SHTN1: variants seen among roughly 807,000 people sequenced by gnomAD.
SHTN1 encodes shootin 1.
SHTN1 carries 42 observed loss-of-function variants against 83.1 expected under a neutral mutation model. The ratio of observed to expected loss-of-function variants is 0.51; its 90% CI spans 0.39 to 0.65. SHTN1 has a LOEUF of 0.65. SHTN1 is among the 30% of genes least tolerant of loss of function. The pLI, the probability that SHTN1 is intolerant of heterozygous loss-of-function variation, is 0.00. For missense variants in SHTN1, 622 were observed against 737.8 expected (o/e 0.84, Z 1.82); for synonymous variants, 224 against 247.7 (o/e 0.90, Z 0.90).
chr10:117,043,784 G>A (rs1420184320), intron 2 of SHTN1, among the ~76,000 whole-genome samples: 4 of 152,168 alleles, frequency 2.6e-5, no homozygotes, highest in Non-Finnish European at 4.4e-5. Flanking sequence ...GGAGGCTGCA[G>A]TAAGCTGTGA....
intron 1 of SHTN1, among the ~76,000 whole-genome samples, chr10:117,063,224 G>A (rs1256798650): frequency 6.6e-6 from 1 of 152,038 alleles, no homozygotes; most frequent in African/African-American, 2.4e-5. Context: ...TTTCCTGTTA[G>A]CCTTTACTAA....
At chr10:117,061,495 G>A (rs1852903204) in intron 1 of SHTN1, among the ~76,000 whole-genome samples, 1 of 148,678 alleles carries the variant, frequency 6.7e-6, no homozygotes, top group Non-Finnish European at 1.5e-5. Context: ...TTGAAATGGA[G>A]TTTTGCTCTT....
intron 1 of SHTN1, among the ~76,000 whole-genome samples, chr10:117,075,373 C>G (rs2133606272): frequency 6.6e-6 from 1 of 152,268 alleles, no homozygotes; most frequent in Non-Finnish European, 1.5e-5. Context: ...AGCCTTGGGT[C>G]AGCCTGTCAT....
intron 9 of SHTN1, among the ~76,000 whole-genome samples, chr10:116,931,374 G>A (rs1210255201): frequency 1.3e-5 from 2 of 151,962 alleles, no homozygotes; most frequent in African/African-American, 4.8e-5. Context: ...TCAGCCTCCT[G>A]AGTAGCTGGG....
intron 2 of SHTN1, among the ~76,000 whole-genome samples, chr10:117,029,894 C>CTTTTT (rs34426369): frequency 3.5e-5 from 4 of 113,402 alleles, no homozygotes; most frequent in Non-Finnish European, 3.7e-5. Flanking sequence ...CTCTCTCTTT[C>CTTTTT]TTTTTTTTTT....
chr10:117,110,987 A>G (rs1164342890), intron 1 of SHTN1, among the ~76,000 whole-genome samples: 1 of 152,112 alleles, frequency 6.6e-6, no homozygotes, highest in Non-Finnish European at 1.5e-5. Flanking sequence ...ACCTGAGGTC[A>G]GAAGTTCAAG....
chr10:117,076,667 G>C (rs942411138), intron 1 of SHTN1, among the ~76,000 whole-genome samples: 1 of 152,208 alleles, frequency 6.6e-6, no homozygotes, highest in Non-Finnish European at 1.5e-5. Flanking sequence ...AATATCGAAA[G>C]TTATTTTGAA....
At chr10:116,911,582 T>A (rs1488991153) in intron 14 of SHTN1, 5 of 1,550,820 alleles carry the variant, frequency 3.2e-6, no homozygotes, top group African/African-American at 1.4e-5. Context: ...ACCACTCTTT[T>A]AGAACAAAAA....
chr10:117,057,576 C>T lies in SHTN1; in HGVS notation c.-188-9066G>A, dbSNP rs373076780. On this transcript the variant is annotated intron_variant, in intron 1 of 17. Transcript: ENST00000392901. Reference sequence around the variant, plus strand: ...TTTCCCTTCATTTTTCTCTTTTTCCCCTTTGGGAGCCAGGCATTTAGGGGC... The same window carrying T: ...TTTCCCTTCATTTTTCTCTTTTTCCTCTTTGGGAGCCAGGCATTTAGGGGC... 6.6e-5 allele frequency among the ~76,000 whole-genome samples: 10 copies of T among 152,218 alleles called. No individual in the cohort carries two copies. The East Asian group carries it at 1.2e-3, about 18-fold the overall frequency.
intron 1 of SHTN1, among the ~76,000 whole-genome samples, chr10:116,999,269 A>G (rs1851740703): frequency 6.6e-6 from 1 of 152,254 alleles, no homozygotes; most frequent in South Asian, 2.1e-4. Flanking sequence ...ACTAATATAA[A>G]AAATTACATA....
chr10:117,011,912 G>C (rs1271922301), intron 2 of SHTN1, among the ~76,000 whole-genome samples: 1 of 152,054 alleles, frequency 6.6e-6, no homozygotes, highest in Non-Finnish European at 1.5e-5. Flanking sequence ...AGGCCGAGGA[G>C]GGCGGATCAC....
chr10:116,990,287 C>CTTTTTTTTTTTTTTTTTTTTTTTTG (rs11399364), intron 1 of SHTN1, among the ~76,000 whole-genome samples: 1 of 119,920 alleles, frequency 8.3e-6, no homozygotes, highest in Non-Finnish European at 1.7e-5. Context: ...TTTTTTCTTT[C>CTTTTTTTTTTTTTTTTTTTTTTTTG]TTTTTTTTTT....
At chr10:116,980,758 G>A (rs1223833567) in intron 1 of SHTN1, among the ~76,000 whole-genome samples, 1 of 152,134 alleles carries the variant, frequency 6.6e-6, no homozygotes, top group Non-Finnish European at 1.5e-5. Flanking sequence ...AATTAACATG[G>A]TAAAGCACAT....
chr10:117,013,825 C>A (rs1485999319), intron 2 of SHTN1, among the ~76,000 whole-genome samples: 2 of 152,178 alleles, frequency 1.3e-5, no homozygotes, highest in African/African-American at 4.8e-5. Flanking sequence ...ATGTTTATAA[C>A]AGCTTTATTA....
chr10:116,909,027 T>TAA (rs1848086782), intron 14 of SHTN1, among the ~76,000 whole-genome samples: 3 of 152,224 alleles, frequency 2.0e-5, no homozygotes, highest in Admixed American at 6.5e-5. Flanking sequence ...AAGACTATTT[T>TAA]AGTTATCTCT....
chr10:117,102,125 TAC>T, intron 1 of SHTN1, among the ~76,000 whole-genome samples: 1 of 151,756 alleles, frequency 6.6e-6, no homozygotes, highest in African/African-American at 2.4e-5. Context: ...CTTTCCTATC[TAC>T]AGTTAAGGAA....
chr10:117,006,368 C>T (rs1232503990), upstream of SHTN1, among the ~76,000 whole-genome samples: 2 of 151,550 alleles, frequency 1.3e-5, no homozygotes, highest in South Asian at 2.1e-4. Context: ...AGATCGAGAC[C>T]ATCCTGGCTA....
intron 1 of SHTN1, among the ~76,000 whole-genome samples, chr10:117,122,881 A>G (rs1271165732): frequency 1.3e-5 from 2 of 152,224 alleles, no homozygotes; most frequent in African/African-American, 2.4e-5. Flanking sequence ...CAGTTTAGCC[A>G]ATGCTTCTAC....
chr10:116,978,258 C>G (rs1366450592), intron 2 of SHTN1, among the ~76,000 whole-genome samples: 1 of 152,066 alleles, frequency 6.6e-6, no homozygotes, highest in Admixed American at 6.6e-5. Flanking sequence ...ATAAGTGATC[C>G]CAAATATCCC....
Sources: allele counts gnomAD v4.1 joint callset (sites outside exome capture counted in the v4.1 genomes callset), GRCh38; gene constraint gnomAD v4.1.1; transcripts MANE v1.5; gene names NCBI Gene and HGNC (gene_info 2026-07-23, HGNC 2026-07-21).